Variants in TENM3 observed in about 807,000 individuals in gnomAD.
TENM3 encodes the protein teneurin transmembrane protein 3, also known as teneurin-3.
In TENM3, 63 loss-of-function variants were observed where a neutral mutation model predicts 255.1. That is an observed-to-expected ratio of 0.25 (90% CI 0.20 to 0.30). The LOEUF (loss-of-function observed/expected upper bound fraction) is 0.30. Among genes scored for constraint, TENM3 ranks in the 10% least tolerant of loss-of-function variants. TENM3 has a pLI of 1.00. For synonymous variants in TENM3, 1,306 were observed against 1,322.3 expected, an observed-to-expected ratio of 0.99 and a Z score of 0.27; for missense variants, 2,929 against 3,461.1, an observed-to-expected ratio of 0.85 and a Z score of 3.86.
Position 182,800,605 on chromosome 4 carries a change from A to T in TENM3, c.*254A>T, listed in dbSNP as rs572046802. 1.0e-5 allele frequency: 4 copies of T among 390,066 alleles called. No homozygotes were observed. In the East Asian group the frequency reaches 1.8e-4, roughly 18 times the overall value. The allele number at this position is 390,066 out of a possible 1,614,324, so 24.2% of individuals were successfully genotyped here. On this transcript the variant is annotated 3_prime_UTR_variant, in exon 28 of 28. Transcript: ENST00000511685. The stretch of plus-strand genomic sequence containing the variant: ...CTGAACGTAGCCAGAGGAAAAAAAA[A>T]TCATCAAGGACAAAGGCCTCGACCT...
intron 3 of TENM3, among the ~76,000 whole-genome samples, chr4:182,413,278 G>T (rs1278385653): frequency 6.6e-6 from 1 of 152,066 alleles, no homozygotes; most frequent in Non-Finnish European, 1.5e-5. Context: ...AAACATTAGG[G>T]ATTCAGAGAA....
chr4:182,441,600 T>C (rs1048045981), intron 3 of TENM3, among the ~76,000 whole-genome samples: 4 of 152,160 alleles, frequency 2.6e-5, no homozygotes, highest in Admixed American at 2.6e-4. Context: ...CAGGTTCAAG[T>C]GATCCTCCTG....
chr4:182,160,522 G>T (rs1751068137), intron 1 of TENM3, among the ~76,000 whole-genome samples: 1 of 152,160 alleles, frequency 6.6e-6, no homozygotes, highest in Non-Finnish European at 1.5e-5. Context: ...AATTATTTCT[G>T]TTCCATTCAC....
intron 2 of TENM3, among the ~76,000 whole-genome samples, chr4:182,328,404 T>A (rs961929985): frequency 6.6e-6 from 1 of 151,762 alleles, no homozygotes; most frequent in Non-Finnish European, 1.5e-5. Flanking sequence ...TTAGTAGAGA[T>A]GGGGCTTCAC....
At chr4:181,566,880 C>T in the TENM3 span, among the ~76,000 whole-genome samples, 3 of 152,198 alleles carry the variant, frequency 2.0e-5, no homozygotes, top group Admixed American at 6.5e-5. Context: ...ATGAGAAGCT[C>T]GGCGAAGCTG....
chr4:182,430,772 G>A (rs891453910), intron 3 of TENM3, among the ~76,000 whole-genome samples: 7 of 152,176 alleles, frequency 4.6e-5, no homozygotes, highest in Admixed American at 4.6e-4. Context: ...CAGCACTGCA[G>A]GAGCCGAGGC....
chr4:181,980,731 A>G, the TENM3 span, among the ~76,000 whole-genome samples: 3 of 152,354 alleles, frequency 2.0e-5, no homozygotes, highest in East Asian at 5.8e-4. Flanking sequence ...AACAATAACT[A>G]GAATACAAAT....
At chr4:182,603,088 G>C (rs559170973) in intron 4 of TENM3, among the ~76,000 whole-genome samples, 1 of 152,066 alleles carries the variant, frequency 6.6e-6, no homozygotes, top group African/African-American at 2.4e-5. Flanking sequence ...CTTGTTATTC[G>C]TCTTATTGCA....
the TENM3 span, among the ~76,000 whole-genome samples, chr4:181,617,812 A>G: frequency 1.3e-5 from 2 of 152,192 alleles, no homozygotes; most frequent in Admixed American, 6.5e-5. Flanking sequence ...ATACCCTACA[A>G]CTTCGCATTA....
the TENM3 span, among the ~76,000 whole-genome samples, chr4:181,631,043 CAA>C: frequency 6.6e-6 from 1 of 152,114 alleles, no homozygotes; most frequent in Non-Finnish European, 1.5e-5. Flanking sequence ...AGGTTGAAAT[CAA>C]AGAGTTAGCC....
intron 1 of TENM3, among the ~76,000 whole-genome samples, chr4:182,248,060 G>T (rs9312291): frequency 0.21 from 31,614 of 152,112 alleles, 3,562 homozygotes; most frequent in Middle Eastern, 0.24. Context: ...AAGTTGATCT[G>T]AAATACATCA....
the TENM3 span, among the ~76,000 whole-genome samples, chr4:181,774,015 T>TTG: frequency 9.7e-4 from 127 of 131,520 alleles, 2 homozygotes; most frequent in Non-Finnish European, 1.7e-3. Context: ...TTTTTTTTTT[T>TTG]TTTTTTTTTT....
At chr4:181,744,559 A>G in the TENM3 span, among the ~76,000 whole-genome samples, 3 of 152,152 alleles carry the variant, frequency 2.0e-5, no homozygotes, top group African/African-American at 7.2e-5. Flanking sequence ...GATATTTTTA[A>G]GGGATATCCC....
intron 3 of TENM3, among the ~76,000 whole-genome samples, chr4:182,387,148 C>T (rs929545714): frequency 1.1e-4 from 17 of 152,104 alleles, no homozygotes; most frequent in African/African-American, 3.9e-4. Context: ...CTGGTGGGGA[C>T]GTGGAGAACC....
intron 1 of TENM3, among the ~76,000 whole-genome samples, chr4:182,222,521 G>A (rs1755905466): frequency 6.6e-6 from 1 of 152,158 alleles, no homozygotes; most frequent in Admixed American, 6.5e-5. Context: ...AATATAGGAG[G>A]AAATGTGTTA....
At chr4:181,822,226 T>C in the TENM3 span, among the ~76,000 whole-genome samples, 1 of 152,196 alleles carries the variant, frequency 6.6e-6, no homozygotes, top group Non-Finnish European at 1.5e-5. Flanking sequence ...CACAGTGAGA[T>C]AAAAACCCTA....
chr4:182,296,918 A>G (rs1453354293), intron 1 of TENM3, among the ~76,000 whole-genome samples: 1 of 152,214 alleles, frequency 6.6e-6, no homozygotes, highest in Admixed American at 6.5e-5. Flanking sequence ...AAAATAAAAC[A>G]TAGATTTCCA....
the TENM3 span, among the ~76,000 whole-genome samples, chr4:181,804,925 C>T: frequency 6.6e-6 from 1 of 151,950 alleles, no homozygotes; most frequent in Non-Finnish European, 1.5e-5. Context: ...CTTTTCTCAC[C>T]CCTCCCCAAT....
At chr4:182,488,770 T>G (rs141707152) in intron 3 of TENM3, among the ~76,000 whole-genome samples, 2 of 152,220 alleles carry the variant, frequency 1.3e-5, no homozygotes, top group African/African-American at 2.4e-5. Context: ...ATGAAGACTA[T>G]ATAAAATTAT....
Sources: gnomAD v4.1 joint callset for allele counts (sites outside exome capture counted in the v4.1 genomes callset) on GRCh38, gnomAD v4.1.1 for gene constraint, MANE v1.5 for transcripts, NCBI Gene and HGNC (gene_info 2026-07-23, HGNC 2026-07-21) for gene names.